The following LDB3 variants were observed in gnomAD, a reference collection of about 807,000 sequenced individuals.
The protein encoded by LDB3 is LIM domain binding 3, also known as LIM domain-binding protein 3.
In LDB3, 49 loss-of-function variants were observed where a neutral mutation model predicts 69.0. That is an observed-to-expected ratio of 0.71 (90% CI 0.56 to 0.90). The LOEUF is 0.90. LDB3 is among the 40% of genes least tolerant of loss of function. LDB3 has a pLI of 0.00. For synonymous variants in LDB3, 387 were observed against 396.2 expected (o/e 0.98, Z 0.28); for missense variants, 928 against 974.1 (o/e 0.95, Z 0.63).
At chr10:86,680,542 G>A (rs2132366076) in intron 4 of LDB3, among the ~76,000 whole-genome samples, 1 of 152,328 alleles carries the variant, frequency 6.6e-6, no homozygotes, top group East Asian at 1.9e-4. Flanking sequence ...GGGTGACTGT[G>A]GCTGAGGCCC....
chr10:86,707,575 G>C (rs1846489431), intron 8 of LDB3, among the ~76,000 whole-genome samples: 1 of 152,156 alleles, frequency 6.6e-6, no homozygotes, highest in African/African-American at 2.4e-5. Flanking sequence ...CTCTGTCTGG[G>C]CTTCCAAGAG....
intron 3 of LDB3, 99 bp downstream of exon 3, chr10:86,679,617 G>C: frequency 1.5e-6 from 2 of 1,344,864 alleles, no homozygotes; most frequent in East Asian, 2.3e-5. Flanking sequence ...AGTGGGCCCC[G>C]CCCTGGGCTA....
chr10:86,692,814 C>T (rs1017954032), intron 7 of LDB3, among the ~76,000 whole-genome samples: 1 of 152,262 alleles, frequency 6.6e-6, no homozygotes, highest in Non-Finnish European at 1.5e-5. Flanking sequence ...TGGGCTCTCC[C>T]AGCTTCATCC....
At chr10:86,717,343 TA>T (rs1435257890) in intron 10 of LDB3, among the ~76,000 whole-genome samples, 5 of 152,208 alleles carry the variant, frequency 3.3e-5, no homozygotes, top group African/African-American at 1.2e-4. Flanking sequence ...ACTAAAGTAA[TA>T]CATACTCATT....
In LDB3 at chr10:86,734,884, G is replaced by A. The variant is rs560346636; in HGVS notation, c.*1908G>A. ...TACCTTGGAGCATTCTGTTATTTTT[G>A]GAAAGTTCAAATATGCAGGGACAAG... On this transcript the variant is annotated 3_prime_UTR_variant, in exon 14 of 14. Transcript: ENST00000361373. 3 of 151,778 alleles carry A rather than the reference G, an allele frequency of 2.0e-5. No homozygotes were observed. The South Asian group carries it at 6.3e-4, about 32-fold the overall frequency. 9.4% of individuals were successfully genotyped at this position (151,778 alleles called of 1,614,324 possible).
At chr10:86,716,015 G>A (rs370504658) in intron 9 of LDB3, among the ~76,000 whole-genome samples, 71 of 150,564 alleles carry the variant, frequency 4.7e-4, no homozygotes, top group Admixed American at 3.3e-4. Flanking sequence ...CCCACTCTGC[G>A]TCTTATGCAG....
At chr10:86,709,103 A>C (rs1846545880) in intron 8 of LDB3, among the ~76,000 whole-genome samples, 1 of 152,226 alleles carries the variant, frequency 6.6e-6, no homozygotes, top group African/African-American at 2.4e-5. Context: ...AATGAAGAAA[A>C]GCATTTTACA....
In LDB3 at chr10:86,699,696, A is replaced by G; in HGVS notation, c.897-6835A>G. On this transcript the variant is annotated intron_variant, in intron 7 of 13. Transcript: ENST00000361373. The surrounding 1 kb of genome is among the most constrained non-coding windows in gnomAD (Gnocchi z 4.9). ...AGGGCAGGAGGGGTTTGCTGGCATAACACCCCAGAACCAAGGGAAATGGAT... is the reference window on the plus strand; with the variant it reads ...AGGGCAGGAGGGGTTTGCTGGCATAGCACCCCAGAACCAAGGGAAATGGAT... 1 of 1,188,164 alleles carries G rather than the reference A, an allele frequency of 8.4e-7. No homozygotes were observed. The highest frequency in any genetic ancestry group is 1.1e-6 in the Non-Finnish European group (1 of 947,348). 73.6% of individuals were successfully genotyped at this position (1,188,164 alleles called of 1,614,324 possible). A position where few individuals can be genotyped will look rare whatever the true frequency, so the allele number is the denominator to read the frequency against.
At chr10:86,668,003 A>T (rs909881197), upstream of LDB3, among the ~76,000 whole-genome samples, 5 of 152,122 alleles carry the variant, frequency 3.3e-5, no homozygotes, top group African/African-American at 1.2e-4. Flanking sequence ...GATCCCAGGG[A>T]GTGAAGGGCC....
At chr10:86,686,576 G>A (rs1174074481) in intron 5 of LDB3, among the ~76,000 whole-genome samples, 1 of 152,134 alleles carries the variant, frequency 6.6e-6, no homozygotes, top group African/African-American at 2.4e-5. Context: ...AACACTGTGA[G>A]ATGCCAAGGC....
intron 9 of LDB3, among the ~76,000 whole-genome samples, chr10:86,712,587 A>G (rs1846709294): frequency 6.6e-6 from 1 of 152,268 alleles, no homozygotes; most frequent in Non-Finnish European, 1.5e-5. Flanking sequence ...GGACTTGCAA[A>G]TATTATCTGC....
intron 2 of LDB3, among the ~76,000 whole-genome samples, chr10:86,670,580 C>T (rs1844416314): frequency 6.6e-6 from 1 of 152,186 alleles, no homozygotes; most frequent in African/African-American, 2.4e-5. Flanking sequence ...GTCTATGTGC[C>T]ACCTGGCCCC....
chr10:86,670,086 G>T (rs1844376985), intron 2 of LDB3, among the ~76,000 whole-genome samples: 1 of 152,154 alleles, frequency 6.6e-6, no homozygotes, highest in African/African-American at 2.4e-5. Flanking sequence ...CCCACCCAGG[G>T]ATGCCGTGAG....
upstream of LDB3, chr10:86,666,797 C>T (rs1403606978): frequency 3.6e-5 from 17 of 470,894 alleles, no homozygotes; most frequent in African/African-American, 8.0e-5. Context: ...TCCCCAGAGG[C>T]GAGCTTCATC....
intron 9 of LDB3, among the ~76,000 whole-genome samples, chr10:86,715,164 G>A (rs1049844708): frequency 1.3e-5 from 2 of 152,196 alleles, no homozygotes; most frequent in Admixed American, 1.3e-4. Flanking sequence ...CTGGAGTATG[G>A]GGTGGGGGGC....
chr10:86,717,141 G>T (rs1338246712), intron 10 of LDB3, among the ~76,000 whole-genome samples: 1 of 152,178 alleles, frequency 6.6e-6, no homozygotes, highest in Non-Finnish European at 1.5e-5. Context: ...TTCCTTTAGG[G>T]TTGTTTCTGG....
At chr10:86,719,344 A>C (rs920145844) in intron 12 of LDB3, among the ~76,000 whole-genome samples, 1 of 151,986 alleles carries the variant, frequency 6.6e-6, no homozygotes, top group African/African-American at 2.4e-5. Flanking sequence ...GTAACCTGTG[A>C]TAGCACCACT....
chr10:86,729,188 G>A (rs891497369), intron 13 of LDB3, among the ~76,000 whole-genome samples: 1 of 152,156 alleles, frequency 6.6e-6, no homozygotes, highest in Non-Finnish European at 1.5e-5. Context: ...CTACCCTGAC[G>A]GAATCTAGAA....
intron 3 of LDB3, 21 bp downstream of exon 3, chr10:86,679,539 G>A (rs1349204021): frequency 1.2e-6 from 2 of 1,613,010 alleles, no homozygotes; most frequent in African/African-American, 2.7e-5. Context: ...GCTCTCCAGA[G>A]CAGGGGGCGG....
Sources: allele counts gnomAD v4.1 joint callset (sites outside exome capture counted in the v4.1 genomes callset), GRCh38; gene constraint gnomAD v4.1.1; non-coding constraint Gnocchi (gnomAD v3.1); transcripts MANE v1.5; gene names NCBI Gene and HGNC (gene_info 2026-07-23, HGNC 2026-07-21).